The following TBC1D1 variants were observed in gnomAD, a reference collection of about 807,000 sequenced individuals.
TBC1D1 encodes the protein TBC1 (tre-2/USP6, BUB2, cdc16) domain family, member 1.
In TBC1D1, 89 loss-of-function variants were observed where a neutral mutation model predicts 125.6. The observed-to-expected ratio is 0.71, with a 90% confidence interval of 0.60 to 0.85. The LOEUF (loss-of-function observed/expected upper bound fraction) is 0.85. Ranked by LOEUF, TBC1D1 falls within the 40% of genes least tolerant of loss-of-function variation. TBC1D1 has a pLI of 0.00. For missense variants in TBC1D1, 1,377 were observed against 1,469.2 expected (o/e 0.94, Z 1.03); for synonymous variants, 565 against 564.1 (o/e 1.00, Z -0.02).
At chr4:38,029,211 A>C (rs1225250745) in intron 7 of TBC1D1, among the ~76,000 whole-genome samples, 3 of 152,182 alleles carry the variant, frequency 2.0e-5, no homozygotes, top group African/African-American at 7.2e-5. Context: ...AGGGGCGGGC[A>C]GCAGGATCTA....
intron 16 of TBC1D1, among the ~76,000 whole-genome samples, chr4:38,117,674 C>A (rs1763194853): frequency 6.6e-6 from 1 of 152,196 alleles, no homozygotes; most frequent in Non-Finnish European, 1.5e-5. Context: ...ATTTCTAATT[C>A]CTCCAGGCTT....
chr4:38,137,469 G>T lies in TBC1D1; in HGVS notation c.*134G>T. ...GAGGAAACCGGCTTGCCAGCAAGTA[G>T]ATTCTTACGAACTCCAACTTGCAAT... On this transcript the variant is annotated 3_prime_UTR_variant, in exon 20 of 20. Transcript: ENST00000261439. 7.9e-7 allele frequency: 1 copy of T among 1,262,202 alleles called. No homozygotes were observed. Among genetic ancestry groups the T allele is most frequent in the Non-Finnish European group, 1.0e-6 (1 of 990,374 alleles). The allele number at this position is 1,262,202 out of a possible 1,614,324, so 78.2% of individuals were successfully genotyped here.
chr4:38,059,091 G>A (rs1752288810), intron 12 of TBC1D1, among the ~76,000 whole-genome samples: 1 of 152,202 alleles, frequency 6.6e-6, no homozygotes, highest in Admixed American at 6.5e-5. Context: ...TAAGTTGCAA[G>A]AATCTGAACT....
rs1410413401 is a variant in TBC1D1, at chr4:38,014,945, T to A, written c.854T>A (p.Ile285Asn). Reference sequence around the variant, plus strand: ...CACAATATTGTGCAGCCCACAGATATCGAGGAAAATCGAACTATGCTCTTC... The same window carrying A: ...CACAATATTGTGCAGCCCACAGATAACGAGGAAAATCGAACTATGCTCTTC... The change falls in exon 3 of 20, where the codon ATC becomes AAC. Residue 285 changes from isoleucine (I) to asparagine (N), a missense_variant. By Grantham distance (149) the Ile-to-Asn change is moderately radical. This residue lies in a region of TBC1D1 where 822 missense variants were observed against 824.6 expected (regional missense o/e 1.00). Coordinates refer to ENST00000261439, the MANE Select transcript of TBC1D1 (RefSeq NM_015173.4). This position sits in a 1 kb window ranked among gnomAD's most constrained non-coding sequence, Gnocchi z 5.1. 1 of 1,550,844 alleles carries A rather than the reference T, an allele frequency of 6.4e-7. No homozygotes were observed. Among genetic ancestry groups the A allele is most frequent in the East Asian group, 2.3e-5 (1 of 43,908 alleles).
chr4:38,052,194 T>TGTGTGTGTGTGC (rs755025486), intron 11 of TBC1D1, 134 bp downstream of exon 12: 9,019 of 578,634 alleles, frequency 0.016, 35 homozygotes, highest in Non-Finnish European at 0.018. Flanking sequence ...TGTGTGTGTG[T>TGTGTGTGTGTGC]GCGCGCGCGT....
Position 38,138,669 on chromosome 4 carries a change from G to A in TBC1D1, c.*1334G>A. On this transcript the variant is annotated 3_prime_UTR_variant, in exon 20 of 20. Transcript: ENST00000261439. Reference sequence around the variant, plus strand: ...TAAGAGTGGGTTGCTTTCTCACAAAGATGGGGTTCTGTGCAGTCACAGGTC... The same window carrying A: ...TAAGAGTGGGTTGCTTTCTCACAAAAATGGGGTTCTGTGCAGTCACAGGTC... The A allele has an allele frequency of 6.6e-6, 1 of 152,670 alleles. No individual in the cohort carries two copies. The highest frequency in any genetic ancestry group is 1.9e-4 in the East Asian group (1 of 5,202). 9.5% of individuals were successfully genotyped at this position (152,670 alleles called of 1,614,324 possible). A position where few individuals can be genotyped will look rare whatever the true frequency, so the allele number is the denominator to read the frequency against.
At chr4:38,091,176 C>G (rs1758359877) in intron 13 of TBC1D1, among the ~76,000 whole-genome samples, 1 of 152,164 alleles carries the variant, frequency 6.6e-6, no homozygotes, top group Admixed American at 6.5e-5. Flanking sequence ...GAGATAGTGT[C>G]TATATCTTTT....
intron 2 of TBC1D1, among the ~76,000 whole-genome samples, chr4:37,989,913 G>A (rs1296711058): frequency 6.6e-6 from 1 of 152,216 alleles, no homozygotes; most frequent in Non-Finnish European, 1.5e-5. Context: ...TTAGACTCCA[G>A]AAAATAGTTT....
intron 2 of TBC1D1, among the ~76,000 whole-genome samples, chr4:37,930,153 T>A (rs1416366443): frequency 6.6e-6 from 1 of 152,286 alleles, no homozygotes; most frequent in African/African-American, 2.4e-5. Flanking sequence ...TTAAATACAA[T>A]GTAATACTAA....
chr4:37,967,589 A>T (rs1370817152), intron 2 of TBC1D1, among the ~76,000 whole-genome samples: 1 of 152,104 alleles, frequency 6.6e-6, no homozygotes, highest in African/African-American at 2.4e-5. Context: ...AAAACAGAAA[A>T]TTTTGATTTA....
intron 11 of TBC1D1, chr4:38,053,164 T>C: frequency 3.9e-6 from 6 of 1,537,868 alleles, no homozygotes; most frequent in Non-Finnish European, 5.3e-6. Flanking sequence ...TGTGCCAAAT[T>C]TTCTAAAATT....
rs1760333797 is a variant in TBC1D1, at chr4:38,101,537, CA to C, written c.2399-1461del. On this transcript the variant is annotated intron_variant, in intron 14 of 19. Transcript: ENST00000261439. ...AATCACTGTGAGTATTCAAATTAAT[CA>C]CATGCAAAGCATTAGTTAGAGGCTC... is the stretch of plus-strand genomic sequence containing the variant. Among the ~76,000 whole-genome samples, 2 of 152,188 alleles carry C rather than the reference CA, an allele frequency of 1.3e-5. 1 individual carries two copies. Among genetic ancestry groups the C allele is most frequent in the South Asian group, 4.1e-4 (2 of 4,832 alleles).
chr4:37,896,045 G>C (rs16994044), intron 1 of TBC1D1, among the ~76,000 whole-genome samples: 1,961 of 152,266 alleles, frequency 0.013, 44 homozygotes, highest in African/African-American at 0.045. Flanking sequence ...ACTCCATCTG[G>C]CGTAAAGAAC....
chr4:37,978,979 C>T (rs1362858649), intron 2 of TBC1D1, among the ~76,000 whole-genome samples: 14 of 152,162 alleles, frequency 9.2e-5, no homozygotes, highest in Non-Finnish European at 2.1e-4. Flanking sequence ...CAGGTTCAAG[C>T]GATTCTTGTG....
chr4:38,014,405 C>A lies in TBC1D1; in HGVS notation c.418-104C>A. ...AGTGGGCTCCTCCTCCAGTGCTCCG[C>A]AGTGGAGTAGCCAGCGGGGCGTCCC... On this transcript the variant is annotated intron_variant, in intron 2 of 19. Transcript: ENST00000261439. This position sits in a 1 kb window ranked among gnomAD's most constrained non-coding sequence, Gnocchi z 5.1. 1.8e-6 allele frequency: 2 copies of A among 1,136,520 alleles called. No homozygotes were observed. Among genetic ancestry groups the A allele is most frequent in the Non-Finnish European group, 2.6e-6 (2 of 783,954 alleles). The allele number at this position is 1,136,520 out of a possible 1,614,324, so 70.4% of individuals were successfully genotyped here. A position where few individuals can be genotyped will look rare whatever the true frequency, so the allele number is the denominator to read the frequency against.
At chr4:38,121,003 G>A (rs1196988323) in intron 17 of TBC1D1, among the ~76,000 whole-genome samples, 1 of 152,220 alleles carries the variant, frequency 6.6e-6, no homozygotes, top group Non-Finnish European at 1.5e-5. Flanking sequence ...CTGCAATATA[G>A]TGAAGGCTTC....
intron 2 of TBC1D1, among the ~76,000 whole-genome samples, chr4:37,914,520 T>G (rs544811072): frequency 1.3e-5 from 2 of 152,204 alleles, no homozygotes; most frequent in African/African-American, 4.8e-5. Context: ...CCATTATATC[T>G]TATCTGGACT....
chr4:37,989,412 C>T (rs114177626), intron 2 of TBC1D1, among the ~76,000 whole-genome samples: 2,243 of 152,304 alleles, frequency 0.015, 28 homozygotes, highest in Non-Finnish European at 0.022. Context: ...GTACACCTTA[C>T]ATATATTGAT....
intron 13 of TBC1D1, among the ~76,000 whole-genome samples, chr4:38,091,158 A>G (rs571803633): frequency 1.3e-5 from 2 of 152,358 alleles, no homozygotes; most frequent in Non-Finnish European, 2.9e-5. Flanking sequence ...GAATTCATAG[A>G]ATGTAAAGAG....
Sources: gnomAD v4.1 joint callset for allele counts (sites outside exome capture counted in the v4.1 genomes callset) on GRCh38, gnomAD v4.1.1 for gene constraint, gnomAD v4.1.1 regional missense constraint, Gnocchi (gnomAD v3.1) non-coding constraint, MANE v1.5 for transcripts, NCBI Gene and HGNC (gene_info 2026-07-23, HGNC 2026-07-21) for gene names.